Variants in OR3A2 observed in about 807,000 individuals in gnomAD.
The protein encoded by OR3A2 is olfactory receptor family 3 subfamily A member 2, also known as olfactory receptor 3A2.
For synonymous variants in OR3A2, 126 were observed against 159.3 expected, an observed-to-expected ratio of 0.79 and a Z score of 1.57; for missense variants, 318 against 392.8, an observed-to-expected ratio of 0.81 and a Z score of 1.61.
At chr17:3,312,591 T>C (rs758438672) in intron 3 of OR3A2, among the ~76,000 whole-genome samples, 4 of 152,184 alleles carry the variant, frequency 2.6e-5, no homozygotes, top group Non-Finnish European at 5.9e-5. Flanking sequence ...TATCACTGTA[T>C]GTTCCCTGAG....
chr17:3,336,831 T>C (rs986332770), intron 2 of OR3A2, among the ~76,000 whole-genome samples: 1 of 152,192 alleles, frequency 6.6e-6, no homozygotes, highest in Non-Finnish European at 1.5e-5. Context: ...CCAGCACACA[T>C]GATCACCATC....
chr17:3,375,647 GAT>G (rs2049677044), intron 2 of OR3A2, among the ~76,000 whole-genome samples: 1 of 152,064 alleles, frequency 6.6e-6, no homozygotes, highest in Non-Finnish European at 1.5e-5. Context: ...AAGCTAGTGT[GAT>G]CTTTTGGGGG....
chr17:3,337,630 T>G (rs930181162), intron 2 of OR3A2, among the ~76,000 whole-genome samples: 1 of 152,198 alleles, frequency 6.6e-6, no homozygotes, highest in Non-Finnish European at 1.5e-5. Flanking sequence ...CTGCATAGTA[T>G]TCCATGGTGT....
intron 2 of OR3A2, among the ~76,000 whole-genome samples, chr17:3,364,265 GT>G (rs1475684768): frequency 5.3e-5 from 8 of 152,126 alleles, no homozygotes; most frequent in African/African-American, 1.9e-4. Flanking sequence ...GGTATAATAT[GT>G]TTTGATACAC....
intron 3 of OR3A2, among the ~76,000 whole-genome samples, chr17:3,330,437 T>C (rs1473379718): frequency 6.6e-6 from 1 of 152,018 alleles, no homozygotes; most frequent in East Asian, 1.9e-4. Context: ...TAGCTCTTCT[T>C]GTTGAATTGA....
intron 2 of OR3A2, chr17:3,377,451 A>G (rs1215564697): frequency 6.6e-6 from 1 of 152,164 alleles, no homozygotes; most frequent in East Asian, 1.9e-4. Flanking sequence ...CTCTTCCTTA[A>G]TGGGCCCACA....
chr17:3,380,126 T>G (rs2049721081), intron 2 of OR3A2, among the ~76,000 whole-genome samples: 1 of 152,214 alleles, frequency 6.6e-6, no homozygotes, highest in South Asian at 2.1e-4. Context: ...GCACACCTGC[T>G]GTAACTCCCC....
chr17:3,359,681 C>A, intron 2 of OR3A2, among the ~76,000 whole-genome samples: 1 of 151,492 alleles, frequency 6.6e-6, no homozygotes, highest in African/African-American at 2.4e-5. Flanking sequence ...AGGTAACCTT[C>A]CCTTTCTCTC....
intron 3 of OR3A2, among the ~76,000 whole-genome samples, chr17:3,290,457 TG>T (rs1234176497): frequency 6.6e-6 from 1 of 152,224 alleles, no homozygotes; most frequent in Non-Finnish European, 1.5e-5. Flanking sequence ...AGTCTTGTTT[TG>T]CTTCCCTCTT....
intron 3 of OR3A2, among the ~76,000 whole-genome samples, chr17:3,324,586 C>G (rs1001365522): frequency 1.3e-5 from 2 of 152,064 alleles, no homozygotes; most frequent in African/African-American, 4.8e-5. Context: ...CAGACAGGAC[C>G]ATCAGCTGCA....
chr17:3,297,163 T>C (rs2048925755), intron 3 of OR3A2, among the ~76,000 whole-genome samples: 1 of 152,172 alleles, frequency 6.6e-6, no homozygotes. Flanking sequence ...GCTGTCGGAT[T>C]TGGGAGATGT....
In OR3A2 at chr17:3,319,164, A is replaced by C. The variant is rs796767162; in HGVS notation, c.-85+16869T>G. On this transcript the variant is annotated intron_variant, in intron 3 of 4. Transcript: ENST00000573491. ...ACTAATTAATTCATTTATTTAGCAA[A>C]CATTATGATTCTACTGTATGCAAGG... is the stretch of plus-strand genomic sequence containing the variant. Among the ~76,000 whole-genome samples, 13 of 152,248 alleles carry C rather than the reference A, an allele frequency of 8.5e-5. 1 individual carries two copies. Among genetic ancestry groups the C allele is most frequent in the African/African-American group, 3.1e-4 (13 of 41,544 alleles).
At chr17:3,342,787 T>C (rs905498805) in intron 2 of OR3A2, among the ~76,000 whole-genome samples, 1 of 152,196 alleles carries the variant, frequency 6.6e-6, no homozygotes, top group African/African-American at 2.4e-5. Context: ...TCAAACACCA[T>C]GATGGGAGAA....
chr17:3,326,823 G>A (rs1314667015), intron 3 of OR3A2, among the ~76,000 whole-genome samples: 31 of 139,962 alleles, frequency 2.2e-4, no homozygotes, highest in African/African-American at 5.2e-4. Flanking sequence ...TTGTTCTTGC[G>A]ATAGTTTACT....
At chr17:3,381,434 G>A (rs550793493) in intron 2 of OR3A2, among the ~76,000 whole-genome samples, 2 of 152,146 alleles carry the variant, frequency 1.3e-5, no homozygotes, top group Admixed American at 1.3e-4. Context: ...CTGGGCCTGA[G>A]GAAAGGGCTA....
chr17:3,319,569 TC>T (rs1168964671), intron 3 of OR3A2, among the ~76,000 whole-genome samples: 1 of 152,030 alleles, frequency 6.6e-6, no homozygotes, highest in Admixed American at 6.6e-5. Context: ...ATGTTCCCCT[TC>T]CGGGTCCATG....
chr17:3,342,078 C>A (rs773001110), intron 2 of OR3A2, among the ~76,000 whole-genome samples: 72 of 151,782 alleles, frequency 4.7e-4, no homozygotes, highest in Non-Finnish European at 8.1e-4. Context: ...CTTGTGCATG[C>A]GTCACGTAGT....
At chr17:3,385,195 AAAAT>A (rs770779070) in intron 1 of OR3A2, among the ~76,000 whole-genome samples, 1 of 152,172 alleles carries the variant, frequency 6.6e-6, no homozygotes, top group Non-Finnish European at 1.5e-5. Flanking sequence ...ACTCCGTCTC[AAAAT>A]AAATAAATAA....
At chr17:3,351,212 T>C (rs1487103522) in intron 2 of OR3A2, among the ~76,000 whole-genome samples, 2 of 134,860 alleles carry the variant, frequency 1.5e-5, no homozygotes, top group Non-Finnish European at 3.2e-5. Flanking sequence ...AAATAAAGGG[T>C]ATTCAATTAG....
Sources: gnomAD v4.1 joint callset for allele counts (sites outside exome capture counted in the v4.1 genomes callset) on GRCh38, gnomAD v4.1.1 for gene constraint, MANE v1.5 for transcripts, NCBI Gene and HGNC (gene_info 2026-07-23, HGNC 2026-07-21) for gene names.